The following OTOGL variants were observed in gnomAD, a reference collection of about 807,000 sequenced individuals.
OTOGL encodes otogelin-like protein.
Under a neutral mutation model 318.5 loss-of-function variants are expected in OTOGL, and 285 were observed. That is an observed-to-expected ratio of 0.89 (90% CI 0.81 to 0.99). The LOEUF is 0.99. OTOGL is among the 50% of genes least tolerant of loss of function. The pLI is 0.00. For missense variants in OTOGL, 2,899 were observed against 2,845.6 expected, an observed-to-expected ratio of 1.02 and a Z score of -0.43; for synonymous variants, 987 against 936.5, an observed-to-expected ratio of 1.05 and a Z score of -0.99.
chr12:80,255,882 A>G (rs1881992602), intron 16 of OTOGL, among the ~76,000 whole-genome samples: 1 of 151,754 alleles, frequency 6.6e-6, no homozygotes, highest in Non-Finnish European at 1.5e-5. Flanking sequence ...TTTTCTATGT[A>G]ATATATTAGA....
At chr12:80,365,624 A>G (rs1039387158) in intron 52 of OTOGL, among the ~76,000 whole-genome samples, 1 of 152,094 alleles carries the variant, frequency 6.6e-6, no homozygotes, top group Non-Finnish European at 1.5e-5. Flanking sequence ...TTTTAGCTCC[A>G]TTATTCTAAC....
At chr12:80,272,949 A>G (rs1883527390) in intron 24 of OTOGL, among the ~76,000 whole-genome samples, 1 of 152,154 alleles carries the variant, frequency 6.6e-6, no homozygotes, top group Admixed American at 6.6e-5. Context: ...TAGAATAATT[A>G]AAACCCACAA....
intron 26 of OTOGL, among the ~76,000 whole-genome samples, chr12:80,288,985 G>A (rs778484337): frequency 9.2e-5 from 14 of 152,066 alleles, no homozygotes; most frequent in Non-Finnish European, 1.8e-4. Flanking sequence ...AGGCATTCTG[G>A]TTTTTGGAAT....
chr12:80,289,731 C>G (rs974334195), intron 26 of OTOGL, among the ~76,000 whole-genome samples: 1 of 152,156 alleles, frequency 6.6e-6, no homozygotes, highest in African/African-American at 2.4e-5. Flanking sequence ...TCAGTAATGG[C>G]GGACGCCCCT....
chr12:80,355,822 G>C lies in OTOGL; in HGVS notation c.5680G>C (p.Glu1894Gln), dbSNP rs1350546647. ...TGAATGCACTCTATACAAATGTTTG[G>C]AGAATGGAAGCATTATCCCTATAGA... ...IDECTLYKCLENGSIIPIEPD... is the reference protein window; with the variant it reads ...IDECTLYKCLQNGSIIPIEPD... The change falls in exon 47 of 59, where the codon GAG (glutamate) becomes CAG (glutamine). Residue 1894 changes from glutamate to glutamine, a missense_variant. Physicochemically the swap from Glu to Gln is conservative, Grantham distance 29. Coordinates refer to ENST00000547103, the MANE Select transcript of OTOGL (RefSeq NM_001378609.3). 6.2e-7 allele frequency: 1 copy of C among 1,613,800 alleles called. No homozygotes were observed. Among genetic ancestry groups the C allele is most frequent in the African/African-American group, 1.3e-5 (1 of 74,934 alleles).
intron 4 of OTOGL, among the ~76,000 whole-genome samples, chr12:80,212,848 G>A (rs918501954): frequency 6.6e-6 from 1 of 152,296 alleles, no homozygotes; most frequent in East Asian, 1.9e-4. Context: ...AGACAGATCT[G>A]ATATGCTGTT....
chr12:80,280,568 C>T (rs1470627806), intron 26 of OTOGL, among the ~76,000 whole-genome samples: 1 of 151,762 alleles, frequency 6.6e-6, no homozygotes, highest in East Asian at 1.9e-4. Context: ...TTCCTCATTG[C>T]TTATTATTGT....
chr12:80,353,492 A>G lies in OTOGL; in HGVS notation c.5575A>G (p.Ile1859Val). 3 of 1,576,266 alleles carry G rather than the reference A, an allele frequency of 1.9e-6. No homozygotes were observed. The highest frequency in any genetic ancestry group is 2.6e-6 in the Non-Finnish European group (3 of 1,161,092). ...ILHRPHSAQC[I>V]PEKECACTDS... ...TCACAGGCCACATTCAGCCCAGTGC[A>G]TTCCAGAGAAAGAGTGTGGTAAGAC... Residue 1859 changes from isoleucine to valine, a missense_variant, in exon 46 of 59, where the codon ATT becomes GTT. Physicochemically the swap from Ile to Val is conservative, Grantham distance 29 (BLOSUM62 3). Coordinates refer to ENST00000547103, the MANE Select transcript of OTOGL (RefSeq NM_001378609.3).
intron 44 of OTOGL, among the ~76,000 whole-genome samples, chr12:80,344,029 C>T (rs772233236): frequency 2.6e-5 from 4 of 152,126 alleles, no homozygotes; most frequent in Admixed American, 2.0e-4. Flanking sequence ...TGCTGCCCTA[C>T]GCGTTCCCTG....
At position 80,265,218 on chromosome 12, in the gene OTOGL, C is replaced by T; in HGVS notation, c.2224+8C>T. On this transcript the variant is annotated splice_region_variant and intron_variant, in intron 20 of 58. Coordinates refer to ENST00000547103, the MANE Select transcript of OTOGL (RefSeq NM_001378609.3). ...CTCAGATTTCTTTCTGTGGTGAGTA[C>T]AATGGCACAGATAAAGACTATCAGA... 1 of 1,607,404 alleles carries T rather than the reference C, an allele frequency of 6.2e-7. No homozygotes were observed. Among genetic ancestry groups the T allele is most frequent in the South Asian group, 1.1e-5 (1 of 90,802 alleles).
At chr12:80,117,771 A>C (rs140260188) in intron 1 of OTOGL, among the ~76,000 whole-genome samples, 1 of 152,302 alleles carries the variant, frequency 6.6e-6, no homozygotes, top group African/African-American at 2.4e-5. Context: ...AATTGCAGCC[A>C]AACTGGATTT....
At position 80,103,033 on chromosome 12, in the gene OTOGL, A is replaced by T; in HGVS notation, c.-20+3428A>T. On this transcript the variant is annotated intron_variant, in intron 1 of 58. Transcript: ENST00000547103. ...AGCCTAGTGATAACCACCTTGCTGG[A>T]GTGAATGCCTATGTGGACAGTTGTG... is the stretch of plus-strand genomic sequence containing the variant. The T allele has an allele frequency of 2.8e-6, 3 of 1,064,144 alleles. No homozygotes were observed. The South Asian group carries it at 3.8e-5, about 13-fold the overall frequency. The allele number at this position is 1,064,144 out of a possible 1,614,324, so 65.9% of individuals were successfully genotyped here. A position where few individuals can be genotyped will look rare whatever the true frequency, so the allele number is the denominator to read the frequency against.
At chr12:80,311,398 C>A (rs1031127995) in intron 30 of OTOGL, among the ~76,000 whole-genome samples, 1 of 152,134 alleles carries the variant, frequency 6.6e-6, no homozygotes, top group African/African-American at 2.4e-5. Flanking sequence ...GACATTCAGA[C>A]AGGGATATTT....
intron 1 of OTOGL, among the ~76,000 whole-genome samples, chr12:80,170,321 G>A (rs527366372): frequency 6.6e-6 from 1 of 151,778 alleles, no homozygotes; most frequent in African/African-American, 2.4e-5. Flanking sequence ...AATTTGCATG[G>A]CTCTAATGAC....
At chr12:80,195,364 A>G (rs1875985468) in intron 1 of OTOGL, among the ~76,000 whole-genome samples, 2 of 150,454 alleles carry the variant, frequency 1.3e-5, no homozygotes, top group Middle Eastern at 3.3e-3. Flanking sequence ...GCAAAAAGCA[A>G]CTTGTTAATG....
intron 1 of OTOGL, among the ~76,000 whole-genome samples, chr12:80,190,462 G>A (rs1300421005): frequency 1.3e-5 from 2 of 152,116 alleles, no homozygotes; most frequent in African/African-American, 4.8e-5. Flanking sequence ...TGCCAAAACC[G>A]TGGGCAAAGT....
At chr12:80,127,985 A>G (rs907139478) in intron 1 of OTOGL, among the ~76,000 whole-genome samples, 1 of 152,080 alleles carries the variant, frequency 6.6e-6, no homozygotes, top group Non-Finnish European at 1.5e-5. Context: ...ATGGGTTCAA[A>G]CTTCCTCCTT....
intron 56 of OTOGL, 31 bp from the exon 57 acceptor site, chr12:80,371,988 C>A: frequency 6.9e-7 from 1 of 1,447,774 alleles, no homozygotes; most frequent in Non-Finnish European, 9.3e-7. Context: ...ACACCATATT[C>A]TTTGACTTTA....
At chr12:80,171,549 T>C (rs889428442) in intron 1 of OTOGL, among the ~76,000 whole-genome samples, 3 of 152,238 alleles carry the variant, frequency 2.0e-5, no homozygotes, top group Non-Finnish European at 4.4e-5. Flanking sequence ...TTTTCACTAA[T>C]ACCATACTGT....
Sources: gnomAD v4.1 joint callset for allele counts (sites outside exome capture counted in the v4.1 genomes callset) on GRCh38, gnomAD v4.1.1 for gene constraint, MANE v1.5 for transcripts, NCBI Gene and HGNC (gene_info 2026-07-23, HGNC 2026-07-21) for gene names.